PTPRB: variants seen among roughly 807,000 people sequenced by gnomAD.
PTPRB encodes receptor-type tyrosine-protein phosphatase beta.
A neutral mutation model predicts 238.1 loss-of-function variants in PTPRB; 97 were observed. The ratio of observed to expected loss-of-function variants is 0.41; its 90% CI spans 0.35 to 0.48. PTPRB has a LOEUF of 0.48. PTPRB is among the 20% of genes least tolerant of loss of function. The pLI, the probability that PTPRB is intolerant of heterozygous loss-of-function variation, is 0.30. For missense variants in PTPRB, 2,292 were observed against 2,681.9 expected (o/e 0.85, Z 3.21); for synonymous variants, 970 against 995.4 (o/e 0.97, Z 0.48).
chr12:70,522,030 A>G (rs1871714067), intron 33 of PTPRB, among the ~76,000 whole-genome samples: 1 of 152,230 alleles, frequency 6.6e-6, no homozygotes, highest in Admixed American at 6.5e-5. Flanking sequence ...ATTAGGGTGT[A>G]ATTTGTAATT....
chr12:70,583,878 C>G (rs955765781), intron 9 of PTPRB, among the ~76,000 whole-genome samples: 2 of 151,992 alleles, frequency 1.3e-5, no homozygotes, highest in East Asian at 3.8e-4. Flanking sequence ...AACAGGCTTA[C>G]AGTAAAAAGA....
In PTPRB at chr12:70,559,610, T is replaced by A. The variant is rs758010708; in HGVS notation, c.4447A>T (p.Ser1483Cys). ...AESRTAPSPP[S>C]LMSFADIANT... is the part of the protein sequence containing the mutation. ...GCAATGTCAGCAAATGACATAAGACTGGGAGGACTTGGAGCTGAATGTAGG... is the reference window on the plus strand; with the variant it reads ...GCAATGTCAGCAAATGACATAAGACAGGGAGGACTTGGAGCTGAATGTAGG... The change falls in exon 18 of 34, where the codon AGT becomes TGT. Residue 1483 changes from serine to cysteine, a missense_variant. Coordinates refer to ENST00000334414, the MANE Select transcript of PTPRB (RefSeq NM_001109754.4). The A allele has an allele frequency of 6.2e-7, 1 of 1,609,836 alleles. No individual in the cohort carries two copies. Among genetic ancestry groups the A allele is most frequent in the Non-Finnish European group, 8.5e-7 (1 of 1,176,158 alleles).
intron 25 of PTPRB, 43 bp from the exon 26 acceptor site, chr12:70,539,749 A>C (rs746810658): frequency 1.9e-6 from 3 of 1,593,762 alleles, no homozygotes; most frequent in Non-Finnish European, 2.6e-6. Context: ...TTACTGCAGA[A>C]AAGGGAAAGT....
At chr12:70,559,187 T>C in intron 18 of PTPRB, 156 bp downstream of exon 18, 2 of 788,380 alleles carry the variant, frequency 2.5e-6, no homozygotes, top group Admixed American at 2.3e-5. Flanking sequence ...TAATGTTGAA[T>C]GAACGAACAA....
At chr12:70,636,167 T>C in intron 1 of PTPRB, 101 bp from the exon 2 acceptor site, 1 of 1,153,706 alleles carries the variant, frequency 8.7e-7, no homozygotes, top group East Asian at 2.6e-5. Flanking sequence ...AATCACTAGT[T>C]TTACTTATAT....
At chr12:70,572,778 A>C (rs1394461333) in intron 11 of PTPRB, among the ~76,000 whole-genome samples, 5 of 149,322 alleles carry the variant, frequency 3.3e-5, no homozygotes, top group Admixed American at 2.0e-4. Context: ...CATCTCATAA[A>C]AAAAAAAAAA....
chr12:70,616,850 A>G (rs1365136669), intron 3 of PTPRB, among the ~76,000 whole-genome samples: 1 of 152,200 alleles, frequency 6.6e-6, no homozygotes, highest in African/African-American at 2.4e-5. Flanking sequence ...TTTTATGTGC[A>G]TATGATTATA....
At chr12:70,539,414 G>T (rs551126600) in intron 26 of PTPRB, 18 of 576,606 alleles carry the variant, frequency 3.1e-5, no homozygotes, top group African/African-American at 3.0e-4. Context: ...CCCTTGGTTT[G>T]CTGTGTTATT....
Position 70,521,301 on chromosome 12 carries a change from C to A in PTPRB, c.*188G>T. On this transcript the variant is annotated 3_prime_UTR_variant, in exon 34 of 34. Transcript: ENST00000334414. ...AAATACATATTTACAGAAGAAACTA[C>A]AAAATACAACTATGTACAATAATAT... The A allele has an allele frequency of 2.3e-6, 1 of 429,818 alleles. No individual in the cohort carries two copies. Among genetic ancestry groups the A allele is most frequent in the South Asian group, 8.1e-5 (1 of 12,314 alleles). 26.6% of individuals were successfully genotyped at this position (429,818 alleles called of 1,614,324 possible). A position where few individuals can be genotyped will look rare whatever the true frequency, so the allele number is the denominator to read the frequency against.
rs10709963 is a variant in PTPRB, at chr12:70,572,775, T to TAAAAA, written c.2843-693_2843-689dup. Among the ~76,000 whole-genome samples, 49 of 93,200 alleles carry TAAAAA rather than the reference T, an allele frequency of 5.3e-4. 1 individual carries two copies. Among genetic ancestry groups the TAAAAA allele is most frequent in the African/African-American group, 9.2e-4 (26 of 28,364 alleles). 61.1% of individuals were successfully genotyped at this position (93,200 alleles called of 152,430 possible). ...GGTGATGGAGCAAGACTCCATCTCA[T>TAAAAA]AAAAAAAAAAAAAAAAAGAAAAGAA... On this transcript the variant is annotated intron_variant, in intron 11 of 33. Transcript: ENST00000334414.
chr12:70,602,231 G>T (rs1202065667), intron 4 of PTPRB, among the ~76,000 whole-genome samples: 1 of 152,054 alleles, frequency 6.6e-6, no homozygotes, highest in African/African-American at 2.4e-5. Flanking sequence ...GTATACACTA[G>T]ATCTAAAATT....
At chr12:70,528,961 G>A (rs1216198919) in intron 32 of PTPRB, among the ~76,000 whole-genome samples, 1 of 151,904 alleles carries the variant, frequency 6.6e-6, no homozygotes, top group East Asian at 1.9e-4. Flanking sequence ...TGGCTATAAG[G>A]CTTTTGGGGG....
intron 6 of PTPRB, among the ~76,000 whole-genome samples, chr12:70,593,381 C>T (rs1316399105): frequency 6.6e-6 from 1 of 151,866 alleles, no homozygotes; most frequent in Non-Finnish European, 1.5e-5. Flanking sequence ...TGCGTGGTGG[C>T]AGGTGCCTGC....
intron 23 of PTPRB, chr12:70,540,473 G>T (rs79286131): frequency 0.011 from 2,136 of 203,170 alleles, 45 homozygotes; most frequent in African/African-American, 0.047. Context: ...ACTACAAAAT[G>T]GTGATGTCAA....
intron 8 of PTPRB, among the ~76,000 whole-genome samples, chr12:70,588,508 C>G (rs1882166940): frequency 1.3e-5 from 2 of 152,128 alleles, no homozygotes; most frequent in African/African-American, 4.8e-5. Context: ...TGGCACATGC[C>G]TGTGATCCTA....
chr12:70,532,030 C>CT lies in PTPRB; in HGVS notation c.6504+4dup. On this transcript the variant is annotated splice_donor_region_variant and intron_variant, in intron 32 of 33. Transcript: ENST00000334414. ...GGCCTGTAACTTTCAGTCTATAACTCTTACCTCAGTCTGGACCATGTGAAC... is the reference window on the plus strand; with the variant it reads ...GGCCTGTAACTTTCAGTCTATAACTCTTTACCTCAGTCTGGACCATGTGAAC... 6.2e-7 allele frequency: 1 copy of CT among 1,613,886 alleles called. No homozygotes were observed. Among genetic ancestry groups the CT allele is most frequent in the Non-Finnish European group, 8.5e-7 (1 of 1,179,872 alleles).
chr12:70,547,037 A>G (rs1238744390), intron 21 of PTPRB, among the ~76,000 whole-genome samples: 2 of 150,518 alleles, frequency 1.3e-5, no homozygotes, highest in African/African-American at 2.4e-5. Flanking sequence ...TTTTTTTAAA[A>G]TCTATATTTC....
At position 70,521,588 on chromosome 12, in the gene PTPRB, A is replaced by G. The variant is rs566535360; in HGVS notation, c.6626-77T>C. The G allele has an allele frequency of 3.1e-6, 4 of 1,280,514 alleles. No homozygotes were observed. In the South Asian group the frequency reaches 6.8e-5, roughly 22 times the overall value. 79.3% of individuals were successfully genotyped at this position (1,280,514 alleles called of 1,614,324 possible). A position where few individuals can be genotyped will look rare whatever the true frequency, so the allele number is the denominator to read the frequency against. The stretch of plus-strand genomic sequence containing the variant: ...GTTTACGCTGTTTATGAAAATTACC[A>G]ATGTGAAAGACCAGCAGAAACATAT... On this transcript the variant is annotated intron_variant, in intron 33 of 33. Coordinates refer to ENST00000334414, the MANE Select transcript of PTPRB (RefSeq NM_001109754.4).
intron 21 of PTPRB, among the ~76,000 whole-genome samples, chr12:70,550,115 G>A (rs776402264): frequency 2.0e-5 from 3 of 152,328 alleles, no homozygotes; most frequent in South Asian, 2.1e-4. Context: ...GTAGGCAGAC[G>A]GTGATGGGGA....
Sources: allele counts gnomAD v4.1 joint callset (sites outside exome capture counted in the v4.1 genomes callset), GRCh38; gene constraint gnomAD v4.1.1; transcripts MANE v1.5; gene names NCBI Gene and HGNC (gene_info 2026-07-23, HGNC 2026-07-21).